CFAP20DC: variants seen among roughly 807,000 people sequenced by gnomAD.
The protein encoded by CFAP20DC is CFAP20 domain containing.
CFAP20DC carries 84 observed loss-of-function variants against 101.7 expected under a neutral mutation model. The ratio of observed to expected loss-of-function variants is 0.83; its 90% confidence interval spans 0.69 to 0.99. The LOEUF (loss-of-function observed/expected upper bound fraction) is 0.99. Ranked by LOEUF, CFAP20DC falls within the 50% of genes least tolerant of loss-of-function variation. The probability of loss-of-function intolerance (pLI) is 0.00; values close to 1 mark genes in which losing one functional copy is unlikely to be tolerated. For missense variants in CFAP20DC, 1,007 were observed against 970.3 expected (o/e 1.04, Z -0.50); for synonymous variants, 359 against 351.2 (o/e 1.02, Z -0.25).
intron 14 of CFAP20DC, among the ~76,000 whole-genome samples, chr3:58,819,447 T>C (rs2075448123): frequency 6.7e-6 from 1 of 150,294 alleles, no homozygotes; most frequent in South Asian, 2.1e-4. Flanking sequence ...CAATAAAAAA[T>C]GATAAAGGGG....
At chr3:59,031,885 A>G (rs1010516806) in intron 4 of CFAP20DC, among the ~76,000 whole-genome samples, 3 of 152,206 alleles carry the variant, frequency 2.0e-5, no homozygotes, top group African/African-American at 7.2e-5. Context: ...GTATAAAATC[A>G]TCTTTCAAGA....
chr3:59,001,303 T>C lies in CFAP20DC; in HGVS notation c.278+38254A>G, dbSNP rs189910827. ...GATAGACTGCCTCTATAGGACTGTA[T>C]AGATCACCAAGAAGGCATACCACTA... On this transcript the variant is annotated intron_variant, in intron 4 of 16. Transcript: ENST00000482387. The surrounding 1 kb of genome is among the most constrained non-coding windows in gnomAD (Gnocchi z 4.5). Among the ~76,000 whole-genome samples, 153 of 152,294 alleles carry C rather than the reference T, an allele frequency of 1.0e-3. No homozygotes were observed. Among genetic ancestry groups the C allele is most frequent in the African/African-American group, 3.6e-3 (149 of 41,562 alleles).
At chr3:58,941,652 T>G (rs990390959) in intron 4 of CFAP20DC, among the ~76,000 whole-genome samples, 80 of 152,106 alleles carry the variant, frequency 5.3e-4, no homozygotes, top group Non-Finnish European at 7.2e-4. Context: ...CACTGCAAGC[T>G]CCGCCTCCTG....
intron 6 of CFAP20DC, among the ~76,000 whole-genome samples, chr3:58,909,244 C>G (rs2083905018): frequency 6.6e-6 from 1 of 152,082 alleles, no homozygotes; most frequent in Non-Finnish European, 1.5e-5. Flanking sequence ...AGGCTACATG[C>G]ATGTGGGGAC....
downstream of CFAP20DC, among the ~76,000 whole-genome samples, chr3:58,716,380 G>A (rs2067399861): frequency 6.6e-6 from 1 of 151,576 alleles, no homozygotes; most frequent in Non-Finnish European, 1.5e-5. Flanking sequence ...AGCCAGGATG[G>A]TCTCGATCTC....
At chr3:58,973,398 A>T (rs1332867400) in intron 4 of CFAP20DC, among the ~76,000 whole-genome samples, 2 of 152,148 alleles carry the variant, frequency 1.3e-5, no homozygotes, top group Non-Finnish European at 2.9e-5. Flanking sequence ...TCTTTCTCCT[A>T]TACTATCACT....
chr3:58,770,868 A>C (rs2070778579), intron 15 of CFAP20DC, among the ~76,000 whole-genome samples: 1 of 152,150 alleles, frequency 6.6e-6, no homozygotes, highest in Admixed American at 6.6e-5. Context: ...TTTTTGTGTA[A>C]TTTAGGCAAA....
chr3:58,797,075 C>T (rs1285427117), intron 15 of CFAP20DC, among the ~76,000 whole-genome samples: 3 of 152,036 alleles, frequency 2.0e-5, no homozygotes, highest in East Asian at 3.9e-4. Flanking sequence ...GAAATTAGGC[C>T]GATTATTGAT....
rs1437528182 is a variant in CFAP20DC, at chr3:59,014,602, T to G, written c.278+24955A>C. ...TAGTGTTGTGGTAATTATAATATGC[T>G]GCTGCCTTTAATTATCTCAATGGCT... On this transcript the variant is annotated intron_variant, in intron 4 of 16. Transcript: ENST00000482387. The surrounding 1 kb of genome is among the most constrained non-coding windows in gnomAD (Gnocchi z 4.9). 6.6e-6 allele frequency among the ~76,000 whole-genome samples: 1 copy of G among 152,180 alleles called. No individual in the cohort carries two copies. Among genetic ancestry groups the G allele is most frequent in the Non-Finnish European group, 1.5e-5 (1 of 68,026 alleles).
rs189217698 is a variant in CFAP20DC at position 58,892,916 on chromosome 3, A to G, written c.551-8207T>C. Among the ~76,000 whole-genome samples the G allele has an allele frequency of 6.6e-6, 1 of 152,246 alleles. No homozygotes were observed. Among genetic ancestry groups the G allele is most frequent in the Admixed American group, 6.5e-5 (1 of 15,298 alleles). Reference sequence around the variant, plus strand: ...GCATTCTTGTCTTGTGCTGGTTTCCAAGGGGAATGCTTTCAGCTTTTGCCT... The same window carrying G: ...GCATTCTTGTCTTGTGCTGGTTTCCGAGGGGAATGCTTTCAGCTTTTGCCT... On this transcript the variant is annotated intron_variant, in intron 6 of 16. Coordinates refer to ENST00000482387, the MANE Select transcript of CFAP20DC (RefSeq NM_001394063.1). The surrounding 1 kb of genome is among the most constrained non-coding windows in gnomAD (Gnocchi z 4.0).
intron 12 of CFAP20DC, among the ~76,000 whole-genome samples, chr3:58,851,907 T>A (rs1446773869): frequency 6.6e-6 from 1 of 152,202 alleles, no homozygotes; most frequent in Non-Finnish European, 1.5e-5. Context: ...ATTGTCGTGG[T>A]GGAGAAAGAC....
chr3:58,748,139 G>A (rs940075706), intron 16 of CFAP20DC, among the ~76,000 whole-genome samples: 1 of 152,120 alleles, frequency 6.6e-6, no homozygotes, highest in African/African-American at 2.4e-5. Flanking sequence ...TTACAAATAT[G>A]CAGTGATTCA....
At chr3:58,887,661 T>G (rs1015295360) in intron 6 of CFAP20DC, among the ~76,000 whole-genome samples, 1 of 152,236 alleles carries the variant, frequency 6.6e-6, no homozygotes, top group African/African-American at 2.4e-5. Context: ...TAAACGTGGT[T>G]GACATGCAGA....
chr3:58,906,200 G>C (rs17059941), intron 6 of CFAP20DC, among the ~76,000 whole-genome samples: 1 of 152,052 alleles, frequency 6.6e-6, no homozygotes, highest in African/African-American at 2.4e-5. Flanking sequence ...GCTGTAATCA[G>C]CACCACAATC....
In CFAP20DC at chr3:58,785,643, C is replaced by T. The variant is rs545654779; in HGVS notation, c.2237+20752G>A. On this transcript the variant is annotated intron_variant, in intron 15 of 16. Transcript: ENST00000482387. ...GAATGAAGACCTCATCTCTGATAAA[C>T]ACAGCATCATTGAAGATGTAGGGGA... Among the ~76,000 whole-genome samples the T allele has an allele frequency of 6.8e-4, 104 of 152,222 alleles. No homozygotes were observed. The Middle Eastern group carries it at 0.01, about 15-fold the overall frequency.
At chr3:59,040,605 C>T (rs1004942276) in intron 3 of CFAP20DC, among the ~76,000 whole-genome samples, 1 of 151,950 alleles carries the variant, frequency 6.6e-6, no homozygotes, top group Non-Finnish European at 1.5e-5. Flanking sequence ...AAAAAAAAGG[C>T]AACTAGTCTA....
At chr3:58,836,651 T>C (rs1385137286) in intron 13 of CFAP20DC, among the ~76,000 whole-genome samples, 1 of 152,120 alleles carries the variant, frequency 6.6e-6, no homozygotes, top group Non-Finnish European at 1.5e-5. Flanking sequence ...TGAGACTCTC[T>C]TGTCAGTATC....
chr3:58,731,094 G>A (rs889278641), intron 3 of CFAP20DC, among the ~76,000 whole-genome samples: 1 of 152,098 alleles, frequency 6.6e-6, no homozygotes, highest in African/African-American at 2.4e-5. Flanking sequence ...GGCTTTTCAG[G>A]AGAAAAAAAT....
chr3:58,972,254 T>C (rs1490412475), intron 4 of CFAP20DC, among the ~76,000 whole-genome samples: 1 of 152,190 alleles, frequency 6.6e-6, no homozygotes, highest in African/African-American at 2.4e-5. Context: ...CCTTCAAGGT[T>C]AGAACACAAC....
Sources: gnomAD v4.1 joint callset for allele counts (sites outside exome capture counted in the v4.1 genomes callset) on GRCh38, gnomAD v4.1.1 for gene constraint, Gnocchi (gnomAD v3.1) non-coding constraint, MANE v1.5 for transcripts, NCBI Gene and HGNC (gene_info 2026-07-23, HGNC 2026-07-21) for gene names.